Variants in AJAP1 observed in about 807,000 individuals in gnomAD.
AJAP1 encodes the protein adherens junction-associated protein 1.
In AJAP1, 5 loss-of-function variants were observed where a neutral mutation model predicts 35.0. The observed-to-expected ratio is 0.14, with a 90% CI of 0.07 to 0.30. The LOEUF (loss-of-function observed/expected upper bound fraction) is 0.30, where lower values mean the gene tolerates loss of function less well. AJAP1 is among the 10% of genes least tolerant of loss of function. The probability of loss-of-function intolerance (pLI) is 1.00; values close to 1 mark genes in which losing one functional copy is unlikely to be tolerated. For synonymous variants in AJAP1, 284 were observed against 249.3 expected, an observed-to-expected ratio of 1.14 and a Z score of -1.31; for missense variants, 586 against 571.0, an observed-to-expected ratio of 1.03 and a Z score of -0.27.
At position 4,732,709 on chromosome 1, in the gene AJAP1, G is replaced by A. The variant is rs536980182; in HGVS notation, c.829+20010G>A. ...GTGAGGGTGAACCCCTGGCCCTTCC[G>A]CGAGACCTGGGGTGAGTCACAGAGT... On this transcript the variant is annotated intron_variant, in intron 2 of 5. Coordinates refer to ENST00000378191, the MANE Select transcript of AJAP1 (RefSeq NM_018836.4). Among the ~76,000 whole-genome samples the A allele has an allele frequency of 3.3e-5, 5 of 152,358 alleles. No homozygotes were observed. In the South Asian group the frequency reaches 6.2e-4, roughly 19 times the overall value.
chr1:4,706,111 A>C (rs1640095130), intron 1 of AJAP1, among the ~76,000 whole-genome samples: 1 of 152,174 alleles, frequency 6.6e-6, no homozygotes, highest in African/African-American at 2.4e-5. Flanking sequence ...GACACGGGTC[A>C]TTGGGGACCG....
intron 1 of AJAP1, among the ~76,000 whole-genome samples, chr1:4,688,697 G>A (rs1046810950): frequency 1.3e-5 from 2 of 148,724 alleles, no homozygotes; most frequent in Admixed American, 6.8e-5. Flanking sequence ...GCTTGAACCC[G>A]GGAGGCAGAG....
At chr1:4,744,418 A>G (rs1641140880) in intron 2 of AJAP1, among the ~76,000 whole-genome samples, 1 of 152,160 alleles carries the variant, frequency 6.6e-6, no homozygotes, top group Non-Finnish European at 1.5e-5. Context: ...TGTATTAGAG[A>G]GCATGTTGCT....
intron 1 of AJAP1, among the ~76,000 whole-genome samples, chr1:4,667,865 G>C (rs1285790275): frequency 6.6e-6 from 1 of 152,302 alleles, no homozygotes; most frequent in South Asian, 2.1e-4. Flanking sequence ...GAACATGGAG[G>C]TTTCAAGTGG....
In AJAP1 at chr1:4,791,122, C is replaced by T. The variant is rs1642242509; in HGVS notation, c.*8637C>T. On this transcript the variant is annotated 3_prime_UTR_variant, in exon 6 of 6. Coordinates refer to ENST00000378191, the MANE Select transcript of AJAP1 (RefSeq NM_018836.4). Reference sequence around the variant, plus strand: ...AAAGCCTCACGTGAACTTTAATGACCTTATCAATGACCTTTACTAACTGAC... The same window carrying T: ...AAAGCCTCACGTGAACTTTAATGACTTTATCAATGACCTTTACTAACTGAC... 1.3e-5 allele frequency: 2 copies of T among 152,052 alleles called. No individual in the cohort carries two copies. Among genetic ancestry groups the T allele is most frequent in the African/African-American group, 4.8e-5 (2 of 41,390 alleles). 9.4% of individuals were successfully genotyped at this position (152,052 alleles called of 1,614,324 possible).
intron 2 of AJAP1, among the ~76,000 whole-genome samples, chr1:4,741,643 T>C (rs946363909): frequency 1.3e-5 from 2 of 152,170 alleles, no homozygotes; most frequent in African/African-American, 4.8e-5. Flanking sequence ...ATGCGAGTGT[T>C]CATACATACA....
At chr1:4,714,825 G>A (rs1570147742) in intron 2 of AJAP1, among the ~76,000 whole-genome samples, 1 of 152,302 alleles carries the variant, frequency 6.6e-6, no homozygotes, top group East Asian at 1.9e-4. Context: ...TCCCAGCCAA[G>A]GCAAAGGGAA....
chr1:4,747,572 C>G (rs928672247), intron 2 of AJAP1, among the ~76,000 whole-genome samples: 4 of 152,240 alleles, frequency 2.6e-5, no homozygotes, highest in African/African-American at 7.2e-5. Context: ...CCCATTCTAC[C>G]TGACGTGCAA....
At chr1:4,673,578 T>C (rs1639292825) in intron 1 of AJAP1, among the ~76,000 whole-genome samples, 1 of 152,182 alleles carries the variant, frequency 6.6e-6, no homozygotes, top group Non-Finnish European at 1.5e-5. Context: ...GAGCCTCCAC[T>C]GACTCATTCC....
chr1:4,758,965 A>G (rs1279943162), intron 2 of AJAP1, among the ~76,000 whole-genome samples: 2 of 152,194 alleles, frequency 1.3e-5, no homozygotes, highest in Non-Finnish European at 2.9e-5. Flanking sequence ...CAAACTCCAG[A>G]GTACTTCTGA....
At chr1:4,761,287 T>G (rs1641558408) in intron 2 of AJAP1, among the ~76,000 whole-genome samples, 1 of 152,222 alleles carries the variant, frequency 6.6e-6, no homozygotes, top group Admixed American at 6.5e-5. Context: ...TGGTTTAGGC[T>G]TGCAGCTGGG....
rs1468630149 is a variant in AJAP1, at chr1:4,723,104, C to T, written c.829+10405C>T. ...TGGGACGCGAGCCCCAAGAGAGCATCGGCTGGGGAGTAAGGGAGAGAACCA... is the reference window on the plus strand; with the variant it reads ...TGGGACGCGAGCCCCAAGAGAGCATTGGCTGGGGAGTAAGGGAGAGAACCA... On this transcript the variant is annotated intron_variant, in intron 2 of 5. Coordinates refer to ENST00000378191, the MANE Select transcript of AJAP1 (RefSeq NM_018836.4). This position sits in a 1 kb window ranked among gnomAD's most constrained non-coding sequence, Gnocchi z 4.3. Among the ~76,000 whole-genome samples the T allele has an allele frequency of 6.6e-6, 1 of 152,098 alleles. No homozygotes were observed. Among genetic ancestry groups the T allele is most frequent in the Non-Finnish European group, 1.5e-5 (1 of 68,012 alleles).
rs188130194 is a variant in AJAP1, at chr1:4,761,230, A to T, written c.830-8623A>T. Among the ~76,000 whole-genome samples, 16 of 152,296 alleles carry T rather than the reference A, an allele frequency of 1.1e-4. No homozygotes were observed. In the East Asian group the frequency reaches 2.5e-3, roughly 24 times the overall value. On this transcript the variant is annotated intron_variant, in intron 2 of 5. Coordinates refer to ENST00000378191, the MANE Select transcript of AJAP1 (RefSeq NM_018836.4). ...CAGATTTGAATGCAGCAGTGCTGAG[A>T]TTTTGCCAAGAAGATGGCCCTGAGA...
At chr1:4,727,794 G>A (rs2100293345) in intron 2 of AJAP1, among the ~76,000 whole-genome samples, 1 of 152,328 alleles carries the variant, frequency 6.6e-6, no homozygotes, top group Non-Finnish European at 1.5e-5. Flanking sequence ...CATGTAGTGG[G>A]GGCTAGCGGG....
At chr1:4,765,460 A>C (rs1376321167) in intron 2 of AJAP1, among the ~76,000 whole-genome samples, 2 of 152,230 alleles carry the variant, frequency 1.3e-5, no homozygotes, top group Non-Finnish European at 2.9e-5. Flanking sequence ...ATGTTATTTA[A>C]GGCGAGAGTA....
At chr1:4,754,748 TG>T (rs1434126393) in intron 2 of AJAP1, among the ~76,000 whole-genome samples, 3 of 152,252 alleles carry the variant, frequency 2.0e-5, no homozygotes, top group Non-Finnish European at 4.4e-5. Flanking sequence ...AAGACGTTGC[TG>T]GGACCCCAGC....
At position 4,783,507 on chromosome 1, in the gene AJAP1, A is replaced by G. The variant is rs1465661583; in HGVS notation, c.*1022A>G. On this transcript the variant is annotated 3_prime_UTR_variant, in exon 6 of 6. Transcript: ENST00000378191. ...TATATATATATATATATATATATAT[A>G]TATGTTTGTGTGTGTATATATATAT... 4 of 128,090 alleles carry G rather than the reference A, an allele frequency of 3.1e-5. No individual in the cohort carries two copies. The highest frequency in any genetic ancestry group is 5.2e-4 in the East Asian group (2 of 3,868). 7.9% of individuals were successfully genotyped at this position (128,090 alleles called of 1,614,324 possible). A position where few individuals can be genotyped will look rare whatever the true frequency, so the allele number is the denominator to read the frequency against.
At chr1:4,749,351 GC>G (rs1160029377) in intron 2 of AJAP1, among the ~76,000 whole-genome samples, 1 of 152,188 alleles carries the variant, frequency 6.6e-6, no homozygotes, top group Non-Finnish European at 1.5e-5. Flanking sequence ...TGGAACCTCA[GC>G]CTTTACATCA....
At chr1:4,718,004 A>T (rs115558374) in intron 2 of AJAP1, among the ~76,000 whole-genome samples, 2,544 of 152,348 alleles carry the variant, frequency 0.017, 69 homozygotes, top group African/African-American at 0.058. Context: ...GGGATAAGAG[A>T]ATCAAAGAAC....
Sources: gnomAD v4.1 joint callset for allele counts (sites outside exome capture counted in the v4.1 genomes callset) on GRCh38, gnomAD v4.1.1 for gene constraint, Gnocchi (gnomAD v3.1) non-coding constraint, MANE v1.5 for transcripts, NCBI Gene and HGNC (gene_info 2026-07-23, HGNC 2026-07-21) for gene names.